The following ZNF804B variants were observed in gnomAD, a reference collection of about 807,000 sequenced individuals.
ZNF804B encodes the protein zinc finger 804B.
Under a neutral mutation model 101.4 loss-of-function variants are expected in ZNF804B, and 80 were observed. The observed-to-expected ratio is 0.79, with a 90% CI of 0.66 to 0.95. ZNF804B has a LOEUF of 0.95. Among genes scored for constraint, ZNF804B ranks in the 40% least tolerant of loss-of-function variants. The pLI is 0.00. For synonymous variants in ZNF804B, 622 were observed against 558.8 expected, an observed-to-expected ratio of 1.11 and a Z score of -1.59; for missense variants, 1,673 against 1,561.9, an observed-to-expected ratio of 1.07 and a Z score of -1.20.
At chr7:88,873,481 C>G (rs1452797408) in intron 1 of ZNF804B, among the ~76,000 whole-genome samples, 2 of 152,074 alleles carry the variant, frequency 1.3e-5, no homozygotes, top group Non-Finnish European at 1.5e-5. Context: ...TAATTAGATC[C>G]CATTTGTCAA....
chr7:89,290,850 G>T (rs552994657), intron 2 of ZNF804B, among the ~76,000 whole-genome samples: 1 of 152,270 alleles, frequency 6.6e-6, no homozygotes, highest in East Asian at 1.9e-4. Context: ...CCAGTGCTGT[G>T]CTGGCTTCAA....
chr7:89,142,002 G>A (rs931809794), intron 1 of ZNF804B, among the ~76,000 whole-genome samples: 4 of 151,586 alleles, frequency 2.6e-5, no homozygotes, highest in Non-Finnish European at 4.4e-5. Flanking sequence ...AAAGAATTGA[G>A]GGTCCTGAGA....
At chr7:89,164,402 G>A (rs1036439794) in intron 1 of ZNF804B, among the ~76,000 whole-genome samples, 1 of 152,056 alleles carries the variant, frequency 6.6e-6, no homozygotes, top group Non-Finnish European at 1.5e-5. Context: ...GGGAAAGTCA[G>A]TAAATAAACT....
rs1313710784 is a variant in ZNF804B, at chr7:88,897,047, CTGT to C, written c.108+136969_108+136971del. Among the ~76,000 whole-genome samples the C allele has an allele frequency of 2.6e-5, 4 of 152,228 alleles. No individual in the cohort carries two copies. In the South Asian group the frequency reaches 6.2e-4, roughly 24 times the overall value. On this transcript the variant is annotated intron_variant, in intron 1 of 3. Transcript: ENST00000333190. ...GAGAGATGTTCGATAAACTTATTGCCTGTTGTTGATATTATTACTCTTACTGTA... is the reference window on the plus strand; with the variant it reads ...GAGAGATGTTCGATAAACTTATTGCCTGTTGATATTATTACTCTTACTGTA...
chr7:89,195,756 C>A (rs995120768), intron 1 of ZNF804B, among the ~76,000 whole-genome samples: 1 of 151,320 alleles, frequency 6.6e-6, no homozygotes, highest in Non-Finnish European at 1.5e-5. Flanking sequence ...TATACACCTA[C>A]AGTAGGCAAG....
chr7:88,860,443 G>A (rs28688248), intron 1 of ZNF804B, among the ~76,000 whole-genome samples: 6,793 of 152,094 alleles, frequency 0.045, 437 homozygotes, highest in African/African-American at 0.14. Flanking sequence ...TTTTATGTAT[G>A]CCCTGGTGGG....
In ZNF804B at chr7:89,333,520, A is replaced by G; in HGVS notation, c.538A>G (p.Lys180Glu). ...AAATCTCCCCAGAATCATATCCGAT[A>G]AACAGCGGTCCACCATGCCAAATCG... ...GKNLPRIISD[K>E]QRSTMPNRHQ... Residue 180 changes from lysine to glutamate, a missense_variant, in exon 4 of 4, where the codon AAA becomes GAA. By Grantham distance (56) the Lys-to-Glu change is moderately conservative (BLOSUM62 1). Transcript: ENST00000333190. The G allele has an allele frequency of 1.2e-6, 2 of 1,613,500 alleles. No homozygotes were observed. Among genetic ancestry groups the G allele is most frequent in the Non-Finnish European group, 1.7e-6 (2 of 1,179,636 alleles).
At chr7:89,201,433 T>C (rs1788635060) in intron 1 of ZNF804B, among the ~76,000 whole-genome samples, 1 of 152,018 alleles carries the variant, frequency 6.6e-6, no homozygotes, top group Non-Finnish European at 1.5e-5. Flanking sequence ...GTGTCAGCAT[T>C]GGAAGGAGAG....
At chr7:89,205,077 G>C (rs554933768) in intron 1 of ZNF804B, among the ~76,000 whole-genome samples, 1 of 152,102 alleles carries the variant, frequency 6.6e-6, no homozygotes, top group East Asian at 1.9e-4. Flanking sequence ...AGGCAAGAGC[G>C]CATGTGCAGG....
intron 1 of ZNF804B, among the ~76,000 whole-genome samples, chr7:88,910,791 A>G (rs543125247): frequency 2.6e-5 from 4 of 151,918 alleles, no homozygotes; most frequent in Non-Finnish European, 5.9e-5. Context: ...GTAAGGGAAG[A>G]TGTTCTGCAA....
chr7:89,060,721 A>C (rs1031523074), intron 1 of ZNF804B, among the ~76,000 whole-genome samples: 1 of 152,148 alleles, frequency 6.6e-6, no homozygotes, highest in East Asian at 1.9e-4. Flanking sequence ...TTGTACGAAG[A>C]TTTTTAGAGT....
intron 1 of ZNF804B, among the ~76,000 whole-genome samples, chr7:88,835,439 A>G (rs1202717995): frequency 6.6e-6 from 1 of 151,910 alleles, no homozygotes; most frequent in Non-Finnish European, 1.5e-5. Flanking sequence ...TATTATTGCA[A>G]AAAGCAAAAA....
chr7:89,108,423 G>A (rs1289982179), intron 1 of ZNF804B, among the ~76,000 whole-genome samples: 1 of 152,060 alleles, frequency 6.6e-6, no homozygotes, highest in Non-Finnish European at 1.5e-5. Flanking sequence ...CATACATGAG[G>A]AGGGAAGGAA....
At chr7:88,885,379 T>A (rs188891242) in intron 1 of ZNF804B, among the ~76,000 whole-genome samples, 1 of 151,590 alleles carries the variant, frequency 6.6e-6, no homozygotes, top group African/African-American at 2.4e-5. Context: ...CCGGGTTTTC[T>A]CTGTGACTGC....
intron 1 of ZNF804B, among the ~76,000 whole-genome samples, chr7:88,968,366 T>C (rs1793486979): frequency 6.6e-6 from 1 of 151,668 alleles, no homozygotes; most frequent in Admixed American, 6.6e-5. Context: ...TTTTTCTGAT[T>C]GTATCATTTT....
intron 1 of ZNF804B, among the ~76,000 whole-genome samples, chr7:88,795,376 A>G (rs1370728108): frequency 6.6e-6 from 1 of 152,078 alleles, no homozygotes; most frequent in Non-Finnish European, 1.5e-5. Flanking sequence ...AAGGCTTTTT[A>G]AGTCCTAATT....
intron 1 of ZNF804B, among the ~76,000 whole-genome samples, chr7:88,939,524 TAATA>T (rs1230449994): frequency 3.3e-5 from 5 of 151,974 alleles, no homozygotes; most frequent in South Asian, 4.1e-4. Context: ...TAAAAAGTAA[TAATA>T]AATAAAAGCC....
intron 1 of ZNF804B, among the ~76,000 whole-genome samples, chr7:89,168,298 C>T (rs1791173026): frequency 6.7e-6 from 1 of 148,852 alleles, no homozygotes; most frequent in Admixed American, 6.8e-5. Flanking sequence ...TGTGTTTGTG[C>T]ATATGTGTGT....
intron 2 of ZNF804B, among the ~76,000 whole-genome samples, chr7:89,314,011 T>G (rs1034228541): frequency 3.9e-5 from 6 of 152,200 alleles, no homozygotes; most frequent in African/African-American, 1.4e-4. Flanking sequence ...TATTTCCCTA[T>G]TTCCCTCTAG....
Sources: gnomAD v4.1 joint callset for allele counts (sites outside exome capture counted in the v4.1 genomes callset) on GRCh38, gnomAD v4.1.1 for gene constraint, MANE v1.5 for transcripts, NCBI Gene and HGNC (gene_info 2026-07-23, HGNC 2026-07-21) for gene names.